CCNJL: variants seen among roughly 807,000 people sequenced by gnomAD.
The protein encoded by CCNJL is cyclin J like.
In CCNJL, 33 loss-of-function variants were observed where a neutral mutation model predicts 33.4. That is an observed-to-expected ratio of 0.99 (90% CI 0.75 to 1.32). The LOEUF is 1.32. CCNJL is among the 40% of genes most tolerant of loss of function. CCNJL has a pLI of 0.00. For synonymous variants in CCNJL, 227 were observed against 220.9 expected (o/e 1.03, Z -0.24); for missense variants, 512 against 499.7 (o/e 1.02, Z -0.23).
chr5:160,266,817 C>A (rs1300592798), intron 3 of CCNJL, among the ~76,000 whole-genome samples: 1 of 152,208 alleles, frequency 6.6e-6, no homozygotes, highest in Admixed American at 6.5e-5. Context: ...CCTACCCTTA[C>A]CCGACTCCAC....
At chr5:160,278,285 C>G (rs1762085928) in intron 3 of CCNJL, among the ~76,000 whole-genome samples, 1 of 152,130 alleles carries the variant, frequency 6.6e-6, no homozygotes, top group Non-Finnish European at 1.5e-5. Context: ...TAGGTGTGAG[C>G]CACCGCGCCC....
At chr5:160,299,315 A>G (rs539440759) in intron 2 of CCNJL, among the ~76,000 whole-genome samples, 1 of 152,096 alleles carries the variant, frequency 6.6e-6, no homozygotes, top group South Asian at 2.1e-4. Flanking sequence ...AGGCCCGGCT[A>G]ATTTTTTTGT....
At chr5:160,303,970 C>A (rs1231961158) in intron 2 of CCNJL, among the ~76,000 whole-genome samples, 1 of 152,168 alleles carries the variant, frequency 6.6e-6, no homozygotes, top group African/African-American at 2.4e-5. Flanking sequence ...CCAGGGTGCC[C>A]AGCCAAGTCC....
upstream of CCNJL, among the ~76,000 whole-genome samples, chr5:160,313,259 T>C (rs1053977939): frequency 5.9e-5 from 9 of 152,236 alleles, no homozygotes; most frequent in Admixed American, 3.9e-4. Flanking sequence ...TGGCATAGCA[T>C]TGGGCTATCC....
chr5:160,264,172 GC>G (rs1761472578), intron 3 of CCNJL, among the ~76,000 whole-genome samples: 1 of 152,014 alleles, frequency 6.6e-6, no homozygotes, highest in Admixed American at 6.6e-5. Context: ...TGATCTGCCC[GC>G]CCCGGCCTCC....
intron 1 of CCNJL, among the ~76,000 whole-genome samples, chr5:160,320,511 G>GA (rs1260438679): frequency 3.9e-5 from 6 of 152,186 alleles, no homozygotes; most frequent in Admixed American, 1.3e-4. Context: ...TCTTTATGAG[G>GA]AAAAAACCGC....
intron 2 of CCNJL, 63 bp downstream of exon 2, chr5:160,311,794 CG>C (rs1763267831): frequency 1.3e-6 from 2 of 1,498,396 alleles, no homozygotes; most frequent in South Asian, 2.3e-5. Flanking sequence ...CCTGAGAACA[CG>C]AAGTCGAGAC....
intron 1 of CCNJL, among the ~76,000 whole-genome samples, chr5:160,334,201 G>A (rs549452136): frequency 2.0e-5 from 3 of 151,992 alleles, no homozygotes; most frequent in East Asian, 3.9e-4. Flanking sequence ...TCACTGCCTC[G>A]CCCACCGCTG....
intron 4 of CCNJL, among the ~76,000 whole-genome samples, chr5:160,257,810 A>G (rs1406828972): frequency 6.6e-6 from 1 of 151,924 alleles, no homozygotes; most frequent in Non-Finnish European, 1.5e-5. Context: ...CTTGGCATGC[A>G]GTAAATGCTC....
chr5:160,335,774 A>G (rs538489901), intron 1 of CCNJL, among the ~76,000 whole-genome samples: 2 of 150,122 alleles, frequency 1.3e-5, no homozygotes, highest in African/African-American at 4.9e-5. Flanking sequence ...TGTAGAAACA[A>G]TGTTTTGCTT....
At chr5:160,273,834 A>G (rs573926524) in intron 3 of CCNJL, among the ~76,000 whole-genome samples, 25 of 151,952 alleles carry the variant, frequency 1.6e-4, no homozygotes, top group African/African-American at 5.5e-4. Context: ...TTTTTAGTAG[A>G]GAAGGGGTTT....
intron 1 of CCNJL, among the ~76,000 whole-genome samples, chr5:160,324,877 T>C (rs1000254551): frequency 6.6e-6 from 1 of 152,214 alleles, no homozygotes; most frequent in African/African-American, 2.4e-5. Context: ...TTTTTCCTGC[T>C]GTCTTTAAAT....
chr5:160,330,452 C>A (rs574082138), intron 1 of CCNJL, among the ~76,000 whole-genome samples: 1 of 152,290 alleles, frequency 6.6e-6, no homozygotes, highest in East Asian at 1.9e-4. Flanking sequence ...GCCGCCTCCG[C>A]ACCATGGGCC....
At chr5:160,332,746 A>C (rs1763625725) in intron 1 of CCNJL, among the ~76,000 whole-genome samples, 1 of 151,954 alleles carries the variant, frequency 6.6e-6, no homozygotes, top group Non-Finnish European at 1.5e-5. Context: ...CCAGCCACCT[A>C]TTATAGTTTC....
At chr5:160,291,405 A>G (rs1200358737) in intron 2 of CCNJL, among the ~76,000 whole-genome samples, 1 of 152,224 alleles carries the variant, frequency 6.6e-6, no homozygotes, top group Non-Finnish European at 1.5e-5. Context: ...GGAAGCCTAT[A>G]TTAGCCCAGT....
chr5:160,259,825 G>C, intron 3 of CCNJL, 54 bp from the exon 4 acceptor site: 1 of 1,460,082 alleles, frequency 6.8e-7, no homozygotes, highest in Non-Finnish European at 9.4e-7. Flanking sequence ...CCTGAACCCA[G>C]GAAGCTAACG....
chr5:160,308,195 G>A (rs966990756), intron 2 of CCNJL, among the ~76,000 whole-genome samples: 1 of 152,196 alleles, frequency 6.6e-6, no homozygotes, highest in African/African-American at 2.4e-5. Flanking sequence ...GCAACCCTAA[G>A]TGGAGAGGTG....
At chr5:160,295,241 A>G (rs918810626) in intron 2 of CCNJL, among the ~76,000 whole-genome samples, 4 of 152,266 alleles carry the variant, frequency 2.6e-5, no homozygotes, top group African/African-American at 9.6e-5. Flanking sequence ...CTGTAATCCC[A>G]GCACTTTGGG....
At chr5:160,262,981 G>T (rs1235838577) in intron 3 of CCNJL, among the ~76,000 whole-genome samples, 1 of 152,214 alleles carries the variant, frequency 6.6e-6, no homozygotes, top group African/African-American at 2.4e-5. Context: ...GCTGGGAACA[G>T]AATTCTGAGT....
Sources: gnomAD v4.1 joint callset for allele counts (sites outside exome capture counted in the v4.1 genomes callset) on GRCh38, gnomAD v4.1.1 for gene constraint, MANE v1.5 for transcripts, NCBI Gene and HGNC (gene_info 2026-07-23, HGNC 2026-07-21) for gene names.